The following FBXL17 variants were observed in gnomAD, a reference collection of about 807,000 sequenced individuals.
FBXL17 encodes the protein F-box/LRR-repeat protein 17.
A neutral mutation model predicts 66.2 loss-of-function variants in FBXL17; 22 were observed. That is an observed-to-expected ratio of 0.33 (90% CI 0.24 to 0.47). The LOEUF (loss-of-function observed/expected upper bound fraction) is 0.47. Ranked by LOEUF, FBXL17 falls within the 20% of genes least tolerant of loss-of-function variation. The pLI is 1.00. For synonymous variants in FBXL17, 474 were observed against 400.5 expected, an observed-to-expected ratio of 1.18 and a Z score of -2.19; for missense variants, 878 against 948.2, an observed-to-expected ratio of 0.93 and a Z score of 0.97.
At chr5:108,225,160 T>C (rs927386327) in intron 4 of FBXL17, among the ~76,000 whole-genome samples, 11 of 152,184 alleles carry the variant, frequency 7.2e-5, no homozygotes, top group African/African-American at 2.7e-4. Flanking sequence ...TAAAAAGAAC[T>C]ACCAGTTTGT....
chr5:107,958,837 A>AGTT (rs1751773340), intron 7 of FBXL17, among the ~76,000 whole-genome samples: 1 of 152,232 alleles, frequency 6.6e-6, no homozygotes, highest in Non-Finnish European at 1.5e-5. Flanking sequence ...TAAATGGAAA[A>AGTT]TAATCCTGTC....
At chr5:108,167,296 G>A (rs1475104444) in intron 6 of FBXL17, among the ~76,000 whole-genome samples, 1 of 152,140 alleles carries the variant, frequency 6.6e-6, no homozygotes, top group East Asian at 1.9e-4. Context: ...GGCTAAGATG[G>A]TGATAAAGCA....
At chr5:108,210,128 G>C (rs1003405378) in intron 5 of FBXL17, among the ~76,000 whole-genome samples, 3 of 152,124 alleles carry the variant, frequency 2.0e-5, no homozygotes, top group African/African-American at 7.2e-5. Context: ...TCTGATGGTA[G>C]TTTGTATTTC....
intron 6 of FBXL17, among the ~76,000 whole-genome samples, chr5:108,107,004 A>G (rs1749824067): frequency 6.6e-6 from 1 of 152,178 alleles, no homozygotes; most frequent in African/African-American, 2.4e-5. Context: ...TGCTCAGAAA[A>G]CAAGAAAAAT....
chr5:108,307,779 A>G (rs1758919217), intron 4 of FBXL17, among the ~76,000 whole-genome samples: 3 of 152,022 alleles, frequency 2.0e-5, no homozygotes, highest in Non-Finnish European at 4.4e-5. Context: ...ACCCATTAAC[A>G]TAGCTTTAAA....
intron 4 of FBXL17, among the ~76,000 whole-genome samples, chr5:108,337,937 C>A (rs1018715769): frequency 6.6e-6 from 1 of 151,676 alleles, no homozygotes; most frequent in African/African-American, 2.4e-5. Context: ...TTAAATTCTT[C>A]GCACAAAAAA....
chr5:107,870,654 C>T lies in FBXL17; in HGVS notation c.1966-8794G>A, dbSNP rs191586145. ...AGGCTGGAGTGCAGCAGCTCCATCTCAGCTCACTGCAACCTCCGCCTCCTG... is the reference window on the plus strand; with the variant it reads ...AGGCTGGAGTGCAGCAGCTCCATCTTAGCTCACTGCAACCTCCGCCTCCTG... On this transcript the variant is annotated intron_variant, in intron 8 of 8. Transcript: ENST00000542267. 2.5e-3 allele frequency among the ~76,000 whole-genome samples: 384 copies of T among 151,480 alleles called. 3 individuals are homozygous for T. The highest frequency in any genetic ancestry group is 0.022 in the South Asian group (104 of 4,770).
At chr5:108,279,764 T>C (rs1203813543) in intron 4 of FBXL17, among the ~76,000 whole-genome samples, 1 of 151,698 alleles carries the variant, frequency 6.6e-6, no homozygotes, top group Non-Finnish European at 1.5e-5. Flanking sequence ...ACCAACGAGA[T>C]AAATATCTTT....
intron 6 of FBXL17, among the ~76,000 whole-genome samples, chr5:108,081,479 T>A (rs1377201681): frequency 6.6e-6 from 1 of 152,064 alleles, no homozygotes; most frequent in Non-Finnish European, 1.5e-5. Flanking sequence ...CCCAGCACTT[T>A]GGGAGGCCAA....
intron 6 of FBXL17, among the ~76,000 whole-genome samples, chr5:108,077,662 C>CAA (rs5870293): frequency 4.5e-5 from 6 of 133,986 alleles, no homozygotes; most frequent in African/African-American, 8.5e-5. Context: ...GATCCTATCT[C>CAA]AAAAAAAAAA....
chr5:108,088,363 C>T (rs1007222725), intron 6 of FBXL17, among the ~76,000 whole-genome samples: 2 of 152,106 alleles, frequency 1.3e-5, no homozygotes, highest in African/African-American at 4.8e-5. Flanking sequence ...CATTATTGTT[C>T]CCTTGACACT....
At chr5:108,011,629 C>T (rs1470324885) in intron 7 of FBXL17, among the ~76,000 whole-genome samples, 2 of 152,034 alleles carry the variant, frequency 1.3e-5, no homozygotes, top group South Asian at 2.1e-4. Context: ...CATTGTGAAA[C>T]CCTGTCTCTA....
chr5:108,312,640 AT>A (rs1220843495), intron 4 of FBXL17, among the ~76,000 whole-genome samples: 3 of 152,168 alleles, frequency 2.0e-5, no homozygotes, highest in Non-Finnish European at 4.4e-5. Flanking sequence ...AGACAAGGTA[AT>A]ACTATAGTAA....
At chr5:108,012,992 T>A (rs758346618) in intron 7 of FBXL17, among the ~76,000 whole-genome samples, 6 of 103,460 alleles carry the variant, frequency 5.8e-5, no homozygotes, top group Non-Finnish European at 1.1e-4. Flanking sequence ...CCAGTCTGGG[T>A]AACAAGAGCG....
Position 108,381,933 on chromosome 5 carries a change from A to C in FBXL17, c.-242T>G, listed in dbSNP as rs1749998029. The C allele has an allele frequency of 2.4e-6, 3 of 1,249,952 alleles. No individual in the cohort carries two copies. Among genetic ancestry groups the C allele is most frequent in the Non-Finnish European group, 1.0e-6 (1 of 996,634 alleles). The allele number at this position is 1,249,952 out of a possible 1,614,324, so 77.4% of individuals were successfully genotyped here. On this transcript the variant is annotated 5_prime_UTR_variant, in exon 1 of 9. Transcript: ENST00000542267. ...GGAAGCCGGGAGAACGATGGGCGCG[A>C]GCTTTGGGGACGCGAGGGAGGGAGC... is the stretch of plus-strand genomic sequence containing the variant.
At chr5:108,253,142 A>C (rs1194790818) in intron 4 of FBXL17, among the ~76,000 whole-genome samples, 2 of 152,238 alleles carry the variant, frequency 1.3e-5, no homozygotes, top group African/African-American at 2.4e-5. Flanking sequence ...TGTTAAAGTT[A>C]ATGAAGAGAA....
intron 4 of FBXL17, among the ~76,000 whole-genome samples, chr5:108,279,452 A>C (rs1757616066): frequency 6.6e-6 from 1 of 152,112 alleles, no homozygotes; most frequent in Non-Finnish European, 1.5e-5. Context: ...TATTTAGCTA[A>C]AATAATAATA....
rs1269903950 is a variant in FBXL17, at chr5:108,161,532, T to C, written c.1745+24585A>G. On this transcript the variant is annotated intron_variant, in intron 6 of 8. Coordinates refer to ENST00000542267, the MANE Select transcript of FBXL17 (RefSeq NM_001163315.3). Reference sequence around the variant, plus strand: ...CACACAAACTCAACCAGTAAGTTGATTCTTTTCACAAATTGCTACCCATTT... The same window carrying C: ...CACACAAACTCAACCAGTAAGTTGACTCTTTTCACAAATTGCTACCCATTT... Among the ~76,000 whole-genome samples the C allele has an allele frequency of 2.0e-5, 3 of 151,850 alleles. No homozygotes were observed. In the East Asian group the frequency reaches 5.8e-4, roughly 29 times the overall value.
At chr5:108,190,922 T>G (rs893534819) in intron 5 of FBXL17, among the ~76,000 whole-genome samples, 11 of 152,218 alleles carry the variant, frequency 7.2e-5, no homozygotes, top group Non-Finnish European at 5.9e-5. Flanking sequence ...AGACAGCCCT[T>G]GAGAACTGCA....
Sources: gnomAD v4.1 joint callset for allele counts (sites outside exome capture counted in the v4.1 genomes callset) on GRCh38, gnomAD v4.1.1 for gene constraint, MANE v1.5 for transcripts, NCBI Gene and HGNC (gene_info 2026-07-23, HGNC 2026-07-21) for gene names.